Variants in SORCS2 observed in about 807,000 individuals in gnomAD.
SORCS2 encodes sortilin related VPS10 domain containing receptor 2.
In SORCS2, 100 loss-of-function variants were observed where a neutral mutation model predicts 141.6. That is an observed-to-expected ratio of 0.71 (90% CI 0.60 to 0.83). The LOEUF (loss-of-function observed/expected upper bound fraction) is 0.83, where lower values mean the gene tolerates loss of function less well. Among genes scored for constraint, SORCS2 ranks in the 40% least tolerant of loss-of-function variants. The pLI, the probability that SORCS2 is intolerant of heterozygous loss-of-function variation, is 0.00. For synonymous variants in SORCS2, 789 were observed against 676.9 expected (o/e 1.17, Z -2.57); for missense variants, 1,646 against 1,560.2 (o/e 1.05, Z -0.93).
intron 2 of SORCS2, chr4:7,460,221 G>A (rs1212666806): frequency 6.5e-6 from 1 of 154,760 alleles, no homozygotes; most frequent in Non-Finnish European, 1.5e-5. Flanking sequence ...AGGGAAATGA[G>A]GCAGTGGTAC....
At position 7,649,680 on chromosome 4, in the gene SORCS2, T is replaced by C. The variant is rs528417559; in HGVS notation, c.814-4454T>C. On this transcript the variant is annotated intron_variant, in intron 4 of 26. Coordinates refer to ENST00000507866, the MANE Select transcript of SORCS2 (RefSeq NM_020777.3). ...TGGAGGCTGGGTCAGGAGCAGAGGG[T>C]GATTAGGCCCAGGCGGGCTTCCAGG... Among the ~76,000 whole-genome samples the C allele has an allele frequency of 6.6e-5, 10 of 151,238 alleles. No individual in the cohort carries two copies. The East Asian group carries it at 1.8e-3, about 27-fold the overall frequency.
At chr4:7,698,093 C>A (rs1468373451) in intron 12 of SORCS2, among the ~76,000 whole-genome samples, 2 of 152,162 alleles carry the variant, frequency 1.3e-5, no homozygotes, top group East Asian at 3.9e-4. Flanking sequence ...GCTCCCCACC[C>A]CAGGAGGGGG....
At chr4:7,453,796 CTG>C (rs1728665295) in intron 2 of SORCS2, among the ~76,000 whole-genome samples, 1 of 117,148 alleles carries the variant, frequency 8.5e-6, no homozygotes. Context: ...GGGTCAGGAG[CTG>C]TGTGTTAGGG....
intron 10 of SORCS2, among the ~76,000 whole-genome samples, chr4:7,688,768 G>C (rs1463251443): frequency 1.3e-5 from 2 of 152,148 alleles, no homozygotes; most frequent in Admixed American, 1.3e-4. Context: ...TTTGGCATCT[G>C]TTGGTTCAGT....
chr4:7,281,068 C>T (rs564725813), intron 1 of SORCS2, among the ~76,000 whole-genome samples: 29 of 152,286 alleles, frequency 1.9e-4, no homozygotes, highest in African/African-American at 5.5e-4. Flanking sequence ...GCCCTGCCCA[C>T]GGTATCTCTA....
chr4:7,672,006 C>T (rs1314227653), intron 8 of SORCS2, among the ~76,000 whole-genome samples: 4 of 145,716 alleles, frequency 2.7e-5, no homozygotes, highest in Admixed American at 7.0e-5. Context: ...TTCAGTGGTA[C>T]AATCTCAGCT....
chr4:7,586,241 T>C (rs865843441), intron 3 of SORCS2, among the ~76,000 whole-genome samples: 16 of 152,344 alleles, frequency 1.1e-4, no homozygotes, highest in Admixed American at 2.0e-4. Context: ...CTGGGAGAGC[T>C]TTGCAAGTCT....
chr4:7,727,437 C>A (rs1046018432), intron 21 of SORCS2, among the ~76,000 whole-genome samples: 23 of 141,262 alleles, frequency 1.6e-4, no homozygotes, highest in Admixed American at 1.4e-4. Flanking sequence ...ACCCCCCCCC[C>A]CCTTGTCAAG....
At chr4:7,276,871 AC>A (rs1190666374) in intron 1 of SORCS2, among the ~76,000 whole-genome samples, 3 of 151,970 alleles carry the variant, frequency 2.0e-5, no homozygotes, top group Non-Finnish European at 4.4e-5. Context: ...GGTGCATCCA[AC>A]CCCGTGGGGA....
rs529602374 is a variant in SORCS2 at position 7,582,496 on chromosome 4, C to G, written c.648+50867C>G. 7.2e-5 allele frequency among the ~76,000 whole-genome samples: 11 copies of G among 152,290 alleles called. 1 individual carries two copies. In the East Asian group the frequency reaches 1.7e-3, roughly 24 times the overall value. On this transcript the variant is annotated intron_variant, in intron 3 of 26. Transcript: ENST00000507866. The stretch of plus-strand genomic sequence containing the variant: ...GGCCGGAAAGGCGGCCGCCCCCTCG[C>G]CCATCATGCAATGCACATTCGTGGG...
intron 3 of SORCS2, among the ~76,000 whole-genome samples, chr4:7,584,317 C>T (rs141003632): frequency 7.4e-4 from 112 of 152,286 alleles, no homozygotes; most frequent in African/African-American, 2.5e-3. Flanking sequence ...ACCCCAGAGG[C>T]CCAGTTTCTT....
At chr4:7,382,882 C>G (rs3889116) in intron 1 of SORCS2, among the ~76,000 whole-genome samples, 126,481 of 152,124 alleles carry the variant, frequency 0.83, 53,214 homozygotes, top group African/African-American at 0.9. Flanking sequence ...ACAACATCAA[C>G]GGACCCACAC....
At chr4:7,346,627 G>C (rs1304876880) in intron 1 of SORCS2, among the ~76,000 whole-genome samples, 2 of 152,184 alleles carry the variant, frequency 1.3e-5, no homozygotes, top group African/African-American at 2.4e-5. Flanking sequence ...ATTGAGAGTA[G>C]GACACTGAAG....
At chr4:7,733,555 G>A (rs1372184337) in intron 24 of SORCS2, 134 bp downstream of exon 24, 10 of 698,898 alleles carry the variant, frequency 1.4e-5, no homozygotes, top group Non-Finnish European at 2.1e-5. Flanking sequence ...TGATGGAACT[G>A]AGAACCCACC....
rs1467027299 is a variant in SORCS2 at position 7,638,376 on chromosome 4, C to T, written c.697C>T (p.Leu233Phe). The T allele has an allele frequency of 3.2e-6, 5 of 1,560,760 alleles. No homozygotes were observed. In the African/African-American group the frequency reaches 5.5e-5, roughly 17 times the overall value. The part of the protein sequence containing the change: ...SLSDRDQSLF[L>F]SADEGATFQK... Reference sequence around the variant, plus strand: ...CAGTGACCGGGACCAGAGCCTATTCCTCAGCGCAGACGAAGGCGCCACCTT... The same window carrying T: ...CAGTGACCGGGACCAGAGCCTATTCTTCAGCGCAGACGAAGGCGCCACCTT... The change falls in exon 4 of 27, where the codon CTC becomes TTC. Residue 233 changes from leucine to phenylalanine, a missense_variant. Leu to Phe is a conservative substitution (Grantham distance 22, BLOSUM62 0). Transcript: ENST00000507866.
intron 1 of SORCS2, among the ~76,000 whole-genome samples, chr4:7,350,570 G>T (rs1413038512): frequency 2.0e-5 from 3 of 152,212 alleles, no homozygotes; most frequent in Admixed American, 6.5e-5. Flanking sequence ...CTGCTGGGGG[G>T]ACCCAGTGGA....
intron 2 of SORCS2, among the ~76,000 whole-genome samples, chr4:7,406,473 A>G (rs1275498543): frequency 6.7e-6 from 1 of 149,632 alleles, no homozygotes; most frequent in Non-Finnish European, 1.5e-5. Flanking sequence ...GGTGGGTTGT[A>G]TGTGTCCAGG....
intron 2 of SORCS2, among the ~76,000 whole-genome samples, chr4:7,478,337 C>A (rs1431865310): frequency 6.6e-6 from 1 of 152,152 alleles, no homozygotes; most frequent in East Asian, 1.9e-4. Flanking sequence ...CCAGCTCCCC[C>A]TCCTCCAGGG....
rs772244550 is a variant in SORCS2 at position 7,433,743 on chromosome 4, A to G, written c.548+37388A>G. 1.2e-5 allele frequency: 19 copies of G among 1,613,236 alleles called. No individual in the cohort carries two copies. In the African/African-American group the frequency reaches 2.0e-4, roughly 17 times the overall value. ...CCCACTCTGGGGACGGCACGATGGC[A>G]TAGGCATCATGGACTGCCCGGGCCC... is the stretch of plus-strand genomic sequence containing the variant. On this transcript the variant is annotated intron_variant, in intron 2 of 26. Coordinates refer to ENST00000507866, the MANE Select transcript of SORCS2 (RefSeq NM_020777.3).
Sources: gnomAD v4.1 joint callset for allele counts (sites outside exome capture counted in the v4.1 genomes callset) on GRCh38, gnomAD v4.1.1 for gene constraint, MANE v1.5 for transcripts, NCBI Gene and HGNC (gene_info 2026-07-23, HGNC 2026-07-21) for gene names.